The following SUSD4 variants were observed in gnomAD, a reference collection of about 807,000 sequenced individuals.
SUSD4 encodes sushi domain containing 4, also known as sushi domain-containing protein 4.
Under a neutral mutation model 50.5 loss-of-function variants are expected in SUSD4, and 41 were observed. That is an observed-to-expected ratio of 0.81 (90% CI 0.63 to 1.05). The LOEUF is 1.05. Ranked by LOEUF, SUSD4 falls within the 50% of genes least tolerant of loss-of-function variation. The pLI, the probability that SUSD4 is intolerant of heterozygous loss-of-function variation, is 0.00. For missense variants in SUSD4, 580 were observed against 634.7 expected (o/e 0.91, Z 0.93); for synonymous variants, 257 against 257.3 (o/e 1.00, Z 0.01).
At chr1:223,278,514 G>C (rs1052541662) in intron 3 of SUSD4, among the ~76,000 whole-genome samples, 1 of 152,238 alleles carries the variant, frequency 6.6e-6, no homozygotes, top group Non-Finnish European at 1.5e-5. Flanking sequence ...GCGAGGCTGG[G>C]GGAGGGGTGC....
chr1:223,239,106 C>T (rs952706705), intron 5 of SUSD4, among the ~76,000 whole-genome samples: 1 of 151,974 alleles, frequency 6.6e-6, no homozygotes, highest in African/African-American at 2.4e-5. Flanking sequence ...TGATAACTTT[C>T]CTTGCTATAA....
chr1:223,284,600 T>C (rs1664006875), intron 3 of SUSD4, among the ~76,000 whole-genome samples: 1 of 152,192 alleles, frequency 6.6e-6, no homozygotes, highest in African/African-American at 2.4e-5. Context: ...AGATATGGAA[T>C]CAACCTCGGT....
At chr1:223,285,346 T>C (rs934477903) in intron 3 of SUSD4, among the ~76,000 whole-genome samples, 4 of 152,084 alleles carry the variant, frequency 2.6e-5, no homozygotes, top group African/African-American at 9.7e-5. Flanking sequence ...TGTAGCGACG[T>C]TCCTCCTTCT....
At chr1:223,273,786 A>G (rs938957002) in intron 3 of SUSD4, among the ~76,000 whole-genome samples, 1 of 152,170 alleles carries the variant, frequency 6.6e-6, no homozygotes, top group African/African-American at 2.4e-5. Flanking sequence ...TTGTTGCTGG[A>G]AAAAAGAGGT....
At chr1:223,308,913 A>C (rs890790976) in intron 2 of SUSD4, among the ~76,000 whole-genome samples, 3 of 152,198 alleles carry the variant, frequency 2.0e-5, no homozygotes, top group Non-Finnish European at 4.4e-5. Flanking sequence ...AGAAAATCAC[A>C]AAGACCATGA....
intron 3 of SUSD4, among the ~76,000 whole-genome samples, chr1:223,283,402 T>G (rs1254508013): frequency 1.3e-5 from 2 of 151,886 alleles, no homozygotes; most frequent in South Asian, 4.2e-4. Flanking sequence ...ACAAACAACC[T>G]CATCAAAAAT....
intron 5 of SUSD4, among the ~76,000 whole-genome samples, chr1:223,248,636 A>G (rs548095398): frequency 6.7e-6 from 1 of 149,636 alleles, no homozygotes; most frequent in East Asian, 2.0e-4. Flanking sequence ...AAGGAAGCCA[A>G]TGATCATGAG....
intron 3 of SUSD4, among the ~76,000 whole-genome samples, chr1:223,269,589 T>C (rs1441828172): frequency 1.3e-5 from 2 of 152,200 alleles, no homozygotes; most frequent in Non-Finnish European, 2.9e-5. Flanking sequence ...AATGTGTCTC[T>C]CTCCATCTCT....
intron 5 of SUSD4, among the ~76,000 whole-genome samples, chr1:223,240,398 T>C (rs1452748610): frequency 1.3e-5 from 2 of 152,200 alleles, no homozygotes; most frequent in South Asian, 2.1e-4. Flanking sequence ...CTTTCTTTTC[T>C]TTCTCTCTTT....
At chr1:223,239,079 A>G (rs1479468681) in intron 5 of SUSD4, among the ~76,000 whole-genome samples, 1 of 151,970 alleles carries the variant, frequency 6.6e-6, no homozygotes, top group African/African-American at 2.4e-5. Context: ...TTTCTATGTA[A>G]TGCTCTTCTT....
At chr1:223,340,077 A>G (rs181761233) in intron 2 of SUSD4, among the ~76,000 whole-genome samples, 9 of 152,238 alleles carry the variant, frequency 5.9e-5, no homozygotes, top group Non-Finnish European at 1.0e-4. Context: ...AGCTGCTCCA[A>G]TCGCATTCCC....
intron 2 of SUSD4, among the ~76,000 whole-genome samples, chr1:223,321,155 C>T (rs17480087): frequency 0.18 from 27,454 of 152,132 alleles, 3,038 homozygotes; most frequent in Non-Finnish European, 0.26. Flanking sequence ...CTGAAAGAAA[C>T]GCTGACACTG....
intron 2 of SUSD4, among the ~76,000 whole-genome samples, chr1:223,337,485 A>G (rs573256925): frequency 6.6e-6 from 1 of 152,344 alleles, no homozygotes; most frequent in South Asian, 2.1e-4. Flanking sequence ...CTAAGTAATG[A>G]ACTCCTGTAA....
At chr1:223,329,209 T>G (rs1160948852) in intron 2 of SUSD4, among the ~76,000 whole-genome samples, 1 of 152,168 alleles carries the variant, frequency 6.6e-6, no homozygotes, top group East Asian at 1.9e-4. Context: ...AGTCCAGTAT[T>G]GTATTTATCA....
intron 2 of SUSD4, among the ~76,000 whole-genome samples, chr1:223,359,709 T>C (rs1668863825): frequency 6.6e-6 from 1 of 152,186 alleles, no homozygotes; most frequent in Admixed American, 6.5e-5. Flanking sequence ...TCAGTGGGCT[T>C]GTGGTCTAGT....
At position 223,229,597 on chromosome 1, in the gene SUSD4, C is replaced by T. The variant is rs747858242; in HGVS notation, c.725-209G>A. 8.0e-6 allele frequency: 4 copies of T among 502,154 alleles called. No individual in the cohort carries two copies. The highest frequency in any genetic ancestry group is 4.4e-5 in the South Asian group (1 of 22,746). The allele number at this position is 502,154 out of a possible 1,614,324, so 31.1% of individuals were successfully genotyped here. A position where few individuals can be genotyped will look rare whatever the true frequency, so the allele number is the denominator to read the frequency against. ...CTGCTGTAATATTCTGAGCACGTGC[C>T]GTTGTGACATGGCATTGTGAAGTAC... On this transcript the variant is annotated intron_variant, in intron 5 of 8. Transcript: ENST00000366878. This position sits in a 1 kb window ranked among gnomAD's most constrained non-coding sequence, Gnocchi z 4.7.
At chr1:223,234,938 C>T (rs1477173729) in intron 5 of SUSD4, 7 of 1,565,064 alleles carry the variant, frequency 4.5e-6, no homozygotes, top group Non-Finnish European at 6.0e-6. Flanking sequence ...TCCTTTATTG[C>T]AGGAGAACAA....
intron 5 of SUSD4, among the ~76,000 whole-genome samples, chr1:223,234,369 C>T (rs1660078673): frequency 6.6e-6 from 1 of 152,192 alleles, no homozygotes; most frequent in African/African-American, 2.4e-5. Context: ...GAAGCCTTCC[C>T]TGAGTGCACA....
At chr1:223,356,860 T>A (rs2102593019) in intron 2 of SUSD4, among the ~76,000 whole-genome samples, 1 of 152,332 alleles carries the variant, frequency 6.6e-6, no homozygotes, top group South Asian at 2.1e-4. Context: ...CTCTTCCTTA[T>A]CTTACTAGGT....
Sources: allele counts gnomAD v4.1 joint callset (sites outside exome capture counted in the v4.1 genomes callset), GRCh38; gene constraint gnomAD v4.1.1; non-coding constraint Gnocchi (gnomAD v3.1); transcripts MANE v1.5; gene names NCBI Gene and HGNC (gene_info 2026-07-23, HGNC 2026-07-21).